NR5A1: variants seen among roughly 807,000 people sequenced by gnomAD.
NR5A1 encodes the protein steroidogenic factor 1.
Under a neutral mutation model 42.7 loss-of-function variants are expected in NR5A1, and 6 were observed. The observed-to-expected ratio is 0.14, with a 90% CI of 0.08 to 0.28. The LOEUF (loss-of-function observed/expected upper bound fraction) is 0.28. Ranked by LOEUF, NR5A1 falls within the 10% of genes least tolerant of loss-of-function variation. The pLI is 1.00. For missense variants in NR5A1, 442 were observed against 626.4 expected, an observed-to-expected ratio of 0.71 and a Z score of 3.14; for synonymous variants, 274 against 277.5, an observed-to-expected ratio of 0.99 and a Z score of 0.12.
Position 124,501,874 on chromosome 9 carries a change from T to C in NR5A1, c.245-1159A>G, listed in dbSNP as rs1305756607. Among the ~76,000 whole-genome samples the C allele has an allele frequency of 6.6e-6, 1 of 152,210 alleles. No homozygotes were observed. The highest frequency in any genetic ancestry group is 1.5e-5 in the Non-Finnish European group (1 of 68,032). ...ACTGCCTGTTCAGCACACAGTCCAG[T>C]GACCGGCCACCTCCAGAAGCTCAAA... is the stretch of plus-strand genomic sequence containing the variant. On this transcript the variant is annotated intron_variant, in intron 3 of 6. Transcript: ENST00000373588. The surrounding 1 kb of genome is among the most constrained non-coding windows in gnomAD (Gnocchi z 4.1).
chr9:124,503,248 C>T lies in NR5A1; in HGVS notation c.103-28G>A, dbSNP rs1459586972. 3 of 1,604,098 alleles carry T rather than the reference C, an allele frequency of 1.9e-6. No homozygotes were observed. The highest frequency in any genetic ancestry group is 1.3e-5 in the African/African-American group (1 of 74,848). ...GCGGGAGCTGAGAGTCAGCGAGGCC[C>T]CGCAGCGCCCGTCTGCCGCACCCCT... On this transcript the variant is annotated intron_variant, in intron 2 of 6. Coordinates refer to ENST00000373588, the MANE Select transcript of NR5A1 (RefSeq NM_004959.5). This position sits in a 1 kb window ranked among gnomAD's most constrained non-coding sequence, Gnocchi z 9.6.
intron 6 of NR5A1, among the ~76,000 whole-genome samples, chr9:124,489,019 A>C (rs999268478): frequency 6.6e-6 from 1 of 152,240 alleles, no homozygotes; most frequent in Non-Finnish European, 1.5e-5. Context: ...AGTTTTGAGC[A>C]CGCCCACACC....
At position 124,503,076 on chromosome 9, in the gene NR5A1, C is replaced by T. The variant is rs1300882670; in HGVS notation, c.244+3G>A. ...CAGGGGTCGAGGCCCGCGCGGCGCG[C>T]ACCTTCCAGGCGCATCCCCACCGTC... On this transcript the variant is annotated splice_donor_region_variant and intron_variant, in intron 3 of 6. Coordinates refer to ENST00000373588, the MANE Select transcript of NR5A1 (RefSeq NM_004959.5). This position sits in a 1 kb window ranked among gnomAD's most constrained non-coding sequence, Gnocchi z 9.6. The T allele has an allele frequency of 6.4e-7, 1 of 1,574,342 alleles. No individual in the cohort carries two copies. The highest frequency in any genetic ancestry group is 1.8e-5 in the Admixed American group (1 of 55,538).
chr9:124,494,021 C>T (rs1242598548), intron 4 of NR5A1, among the ~76,000 whole-genome samples: 2 of 152,226 alleles, frequency 1.3e-5, no homozygotes, highest in East Asian at 1.9e-4. Flanking sequence ...CTGGCATTCC[C>T]GGTCCACAAT....
Position 124,503,310 on chromosome 9 carries a change from G to T in NR5A1, c.86C>A (p.Thr29Lys). 1 of 1,611,588 alleles carries T rather than the reference G, an allele frequency of 6.2e-7. No homozygotes were observed. Among genetic ancestry groups the T allele is most frequent in the Non-Finnish European group, 8.5e-7 (1 of 1,179,388 alleles). ...KVSGYHYGLLTCESCKGFFKR... is the reference protein window; with the variant it reads ...KVSGYHYGLLKCESCKGFFKR... The stretch of plus-strand genomic sequence containing the variant: ...GCCGCTCACCTTGCAGCTCTCACAC[G>T]TGAGCAGTCCGTAGTGGTAGCCGGA... Residue 29 changes from threonine to lysine, a missense_variant, in exon 2 of 7, where the codon ACG (threonine) becomes AAG (lysine). Physicochemically the swap from Thr to Lys is moderately conservative, Grantham distance 78. This residue lies in a region of NR5A1 where 71 missense variants were observed against 156.8 expected (regional missense o/e 0.45). Transcript: ENST00000373588. This position sits in a 1 kb window ranked among gnomAD's most constrained non-coding sequence, Gnocchi z 9.6.
rs200749741 is a variant in NR5A1, at chr9:124,500,574, G to A, written c.386C>T (p.Pro129Leu). The stretch of plus-strand genomic sequence containing the variant: ...GTCCGGTGCGGGAGGGGGCGGCGGG[G>A]GCACCCCCATCGGGGGCCCTGTCTC... ...KLETGPPMGV[P>L]PPPPPAPDYV... The change falls in exon 4 of 7, where the codon CCC becomes CTC. Residue 129 changes from proline (P) to leucine (L), a missense_variant. By Grantham distance (98) the Pro-to-Leu change is moderately conservative. Coordinates refer to ENST00000373588, the MANE Select transcript of NR5A1 (RefSeq NM_004959.5). The surrounding 1 kb of genome is among the most constrained non-coding windows in gnomAD (Gnocchi z 6.9). 1.7e-4 allele frequency: 278 copies of A among 1,612,092 alleles called. 1 individual carries two copies. In the African/African-American group the frequency reaches 2.7e-3, roughly 16 times the overall value.
chr9:124,486,862 C>T (rs1056560369), intron 6 of NR5A1, among the ~76,000 whole-genome samples: 17 of 152,242 alleles, frequency 1.1e-4, no homozygotes, highest in Non-Finnish European at 2.4e-4. Context: ...GGGTTCAGAT[C>T]CCGGCTTTAC....
rs1271259732 is a variant in NR5A1 at position 124,501,879 on chromosome 9, G to A, written c.245-1164C>T. Among the ~76,000 whole-genome samples the A allele has an allele frequency of 6.6e-6, 1 of 152,134 alleles. No homozygotes were observed. The stretch of plus-strand genomic sequence containing the variant: ...CTGTTCAGCACACAGTCCAGTGACC[G>A]GCCACCTCCAGAAGCTCAAATCTTT... On this transcript the variant is annotated intron_variant, in intron 3 of 6. Transcript: ENST00000373588. The surrounding 1 kb of genome is among the most constrained non-coding windows in gnomAD (Gnocchi z 4.1).
chr9:124,497,498 T>C (rs1832405505), intron 4 of NR5A1, among the ~76,000 whole-genome samples: 1 of 152,132 alleles, frequency 6.6e-6, no homozygotes, highest in Admixed American at 6.5e-5. Context: ...CATTTGGAGC[T>C]CAGCATCGGA....
In NR5A1 at chr9:124,481,798, G is replaced by C. The variant is rs968085822; in HGVS notation, c.*960C>G. 1 of 152,256 alleles carries C rather than the reference G, an allele frequency of 6.6e-6. No individual in the cohort carries two copies. The highest frequency in any genetic ancestry group is 6.5e-5 in the Admixed American group (1 of 15,290). 9.4% of individuals were successfully genotyped at this position (152,256 alleles called of 1,614,324 possible). ...TCTGGATTGGGGCTGGGGCTCAGAAGTAATGACCCAGCACCACCCCAAGGG... is the reference window on the plus strand; with the variant it reads ...TCTGGATTGGGGCTGGGGCTCAGAACTAATGACCCAGCACCACCCCAAGGG... On this transcript the variant is annotated 3_prime_UTR_variant, in exon 7 of 7. Transcript: ENST00000373588.
intron 6 of NR5A1, among the ~76,000 whole-genome samples, chr9:124,488,036 C>A (rs1267955347): frequency 3.9e-5 from 6 of 152,164 alleles, no homozygotes; most frequent in African/African-American, 1.4e-4. Flanking sequence ...CCTCGCCAGC[C>A]TACTCCCCAC....
chr9:124,505,220 G>C (rs1421442221), intron 1 of NR5A1, among the ~76,000 whole-genome samples: 1 of 152,238 alleles, frequency 6.6e-6, no homozygotes, highest in African/African-American at 2.4e-5. Flanking sequence ...GGCAGGTATA[G>C]GGCAGTGGGG....
chr9:124,506,594 G>A (rs1007609038), intron 1 of NR5A1, among the ~76,000 whole-genome samples: 1 of 152,198 alleles, frequency 6.6e-6, no homozygotes, highest in Non-Finnish European at 1.5e-5. Context: ...CCCAGCCGCC[G>A]GGGTTGGGTG....
rs1832492697 is a variant in NR5A1, at chr9:124,503,067, C to CG, written c.244+11dup. On this transcript the variant is annotated intron_variant, in intron 3 of 6. Transcript: ENST00000373588. The surrounding 1 kb of genome is among the most constrained non-coding windows in gnomAD (Gnocchi z 9.6). Reference sequence around the variant, plus strand: ...GTGGGGGGTCAGGGGTCGAGGCCCGCGCGGCGCGCACCTTCCAGGCGCATC... The same window carrying CG: ...GTGGGGGGTCAGGGGTCGAGGCCCGCGGCGGCGCGCACCTTCCAGGCGCATC... 3 of 1,563,238 alleles carry CG rather than the reference C, an allele frequency of 1.9e-6. No homozygotes were observed. Among genetic ancestry groups the CG allele is most frequent in the African/African-American group, 2.7e-5 (2 of 74,026 alleles).
chr9:124,489,735 C>T (rs1255054149), intron 6 of NR5A1, among the ~76,000 whole-genome samples: 1 of 151,574 alleles, frequency 6.6e-6, no homozygotes, highest in African/African-American at 2.4e-5. Context: ...AACTGGCTGC[C>T]CAAGATCCTA....
chr9:124,491,100 G>A lies in NR5A1; in HGVS notation c.1119C>T (p.Phe373=), dbSNP rs1341994862. ...LDRQEFVCLK[F]IILFSLDLKF... is the part of the protein sequence containing the mutation. ...ACTCACCCAGGCTGAAGAGGATGAT[G>A]AACTTGAGGCAGACAAACTCCTGCC... The change falls in exon 6 of 7, where the codon TTC becomes TTT. Residue 373 remains phenylalanine (F), a synonymous_variant. Transcript: ENST00000373588. The A allele has an allele frequency of 1.4e-6, 2 of 1,468,186 alleles. No homozygotes were observed. Among genetic ancestry groups the A allele is most frequent in the Non-Finnish European group, 1.8e-6 (2 of 1,088,398 alleles). 90.9% of individuals were successfully genotyped at this position (1,468,186 alleles called of 1,614,324 possible).
In NR5A1 at chr9:124,500,184, G is replaced by A. The variant is rs148356103; in HGVS notation, c.776C>T (p.Pro259Leu). The A allele has an allele frequency of 5.5e-5, 88 of 1,610,598 alleles. No individual in the cohort carries two copies. Among genetic ancestry groups the A allele is most frequent in the Non-Finnish European group, 7.1e-5 (84 of 1,178,506 alleles). The change falls in exon 4 of 7, where the codon CCG becomes CTG. Residue 259 changes from proline to leucine, a missense_variant. Transcript: ENST00000373588. This position sits in a 1 kb window ranked among gnomAD's most constrained non-coding sequence, Gnocchi z 6.9. Reference sequence around the variant, plus strand: ...TCTGCACAGGAGGCCGAAGGCCGCCGGCTGGTCGGGGCGGCTTTTGGTGGG... The same window carrying A: ...TCTGCACAGGAGGCCGAAGGCCGCCAGCTGGTCGGGGCGGCTTTTGGTGGG... ...QEPTKSRPDQ[P>L]AAFGLLCRMA...
At chr9:124,484,435 G>A (rs979098315) in intron 6 of NR5A1, among the ~76,000 whole-genome samples, 1 of 152,152 alleles carries the variant, frequency 6.6e-6, no homozygotes, top group South Asian at 2.1e-4. Context: ...GATCGATAAG[G>A]CTCAGCCATG....
intron 4 of NR5A1, among the ~76,000 whole-genome samples, chr9:124,493,822 C>T (rs1832350681): frequency 6.6e-6 from 1 of 152,192 alleles, no homozygotes; most frequent in Admixed American, 6.5e-5. Flanking sequence ...CAGGCTGCGG[C>T]CAGAGACACT....
Sources: gnomAD v4.1 joint callset for allele counts (sites outside exome capture counted in the v4.1 genomes callset) on GRCh38, gnomAD v4.1.1 for gene constraint, gnomAD v4.1.1 regional missense constraint, Gnocchi (gnomAD v3.1) non-coding constraint, MANE v1.5 for transcripts, NCBI Gene and HGNC (gene_info 2026-07-23, HGNC 2026-07-21) for gene names.